Variants in AHRR observed in about 807,000 individuals in gnomAD.
AHRR encodes ahR repressor.
AHRR carries 28 observed loss-of-function variants against 44.0 expected under a neutral mutation model. The observed-to-expected ratio is 0.64, with a 90% confidence interval of 0.47 to 0.87. AHRR has a LOEUF of 0.87. Ranked by LOEUF, AHRR falls within the 40% of genes least tolerant of loss-of-function variation. The pLI is 0.00. For missense variants in AHRR, 990 were observed against 953.9 expected, an observed-to-expected ratio of 1.04 and a Z score of -0.50; for synonymous variants, 434 against 407.0, an observed-to-expected ratio of 1.07 and a Z score of -0.80.
At chr5:378,503 TG>T (rs886155396) in intron 4 of AHRR, among the ~76,000 whole-genome samples, 1 of 152,236 alleles carries the variant, frequency 6.6e-6, no homozygotes, top group Non-Finnish European at 1.5e-5. Context: ...AGTCTGGACC[TG>T]GTGTTTCTTT....
intron 4 of AHRR, among the ~76,000 whole-genome samples, chr5:403,044 G>A (rs1735085978): frequency 6.6e-6 from 1 of 152,120 alleles, no homozygotes; most frequent in African/African-American, 2.4e-5. Context: ...GTGGGAGGGG[G>A]ATAAAGAAGG....
At chr5:427,501 C>A in intron 7 of AHRR, 1 of 1,081,208 alleles carries the variant, frequency 9.2e-7, no homozygotes, top group Non-Finnish European at 1.4e-6. Context: ...GTTCGTGCCA[C>A]CTGCGCATGG....
chr5:417,219 C>T (rs1436550214), intron 5 of AHRR, among the ~76,000 whole-genome samples: 1 of 146,558 alleles, frequency 6.8e-6, no homozygotes, highest in Non-Finnish European at 1.5e-5. Context: ...TCTGTATGTG[C>T]AGGGCCCGAG....
intron 4 of AHRR, among the ~76,000 whole-genome samples, chr5:412,261 T>TA (rs921525646): frequency 2.0e-5 from 3 of 152,102 alleles, no homozygotes; most frequent in Middle Eastern, 3.4e-3. Context: ...ATAGTTAATG[T>TA]AAAAAAAATA....
At chr5:400,061 G>A (rs760325959) in intron 4 of AHRR, among the ~76,000 whole-genome samples, 7 of 152,202 alleles carry the variant, frequency 4.6e-5, no homozygotes, top group East Asian at 3.9e-4. Flanking sequence ...GCCCGCTCGC[G>A]TGACTAGCCG....
At chr5:398,215 C>T (rs999447747) in intron 4 of AHRR, among the ~76,000 whole-genome samples, 44 of 113,962 alleles carry the variant, frequency 3.9e-4, no homozygotes, top group African/African-American at 9.1e-4. Flanking sequence ...TGACCATCCA[C>T]GTAGCTCCTG....
intron 4 of AHRR, among the ~76,000 whole-genome samples, chr5:398,293 G>T (rs972193281): frequency 2.9e-4 from 44 of 150,740 alleles, no homozygotes; most frequent in African/African-American, 9.6e-4. Context: ...GACCATCCGT[G>T]TTAGCCCCTG....
Position 422,879 on chromosome 5 carries a change from T to G in AHRR, c.571+21T>G, listed in dbSNP as rs573682789. 8.7e-6 allele frequency: 14 copies of G among 1,600,432 alleles called. No individual in the cohort carries two copies. In the East Asian group the frequency reaches 2.9e-4, roughly 33 times the overall value. On this transcript the variant is annotated intron_variant, in intron 6 of 10. Transcript: ENST00000684583. Reference sequence around the variant, plus strand: ...GACAGGTGGGTGTCTGGGGTCCAAGTGAGTCAGCAAAACCTAAAGCAGGTC... The same window carrying G: ...GACAGGTGGGTGTCTGGGGTCCAAGGGAGTCAGCAAAACCTAAAGCAGGTC...
chr5:403,678 T>G, intron 4 of AHRR: 5 of 670,004 alleles, frequency 7.5e-6, no homozygotes, highest in Non-Finnish European at 9.6e-6. Flanking sequence ...ATAGTTAAAA[T>G]GGTATTTTTT....
rs1422701535 is a variant in AHRR, at chr5:411,779, T to C, written c.352-1565T>C. On this transcript the variant is annotated intron_variant, in intron 4 of 10. Transcript: ENST00000684583. The surrounding 1 kb of genome is among the most constrained non-coding windows in gnomAD (Gnocchi z 4.2). ...ATACTGCTGACAGCCACAAACATCA[T>C]GGGAGTTAAAGTCTCCGAATGTCTG... is the stretch of plus-strand genomic sequence containing the variant. Among the ~76,000 whole-genome samples the C allele has an allele frequency of 6.6e-6, 1 of 152,182 alleles. No individual in the cohort carries two copies. Among genetic ancestry groups the C allele is most frequent in the Non-Finnish European group, 1.5e-5 (1 of 68,016 alleles).
chr5:384,203 A>G (rs1421089884), intron 4 of AHRR, among the ~76,000 whole-genome samples: 5 of 152,030 alleles, frequency 3.3e-5, no homozygotes, highest in Admixed American at 2.0e-4. Flanking sequence ...TTATGGGAAT[A>G]TGTATTGGTA....
intron 4 of AHRR, among the ~76,000 whole-genome samples, chr5:412,335 C>T (rs1229474371): frequency 6.6e-6 from 1 of 152,070 alleles, no homozygotes; most frequent in Middle Eastern, 3.2e-3. Flanking sequence ...CTGTTTCATC[C>T]ACCATCTCCA....
At chr5:368,626 G>A (rs938663425) in intron 3 of AHRR, among the ~76,000 whole-genome samples, 1 of 152,200 alleles carries the variant, frequency 6.6e-6, no homozygotes, top group African/African-American at 2.4e-5. Context: ...AGCTATTTTT[G>A]GTTGCATCTT....
At chr5:376,500 C>T in intron 3 of AHRR, 110 bp from the exon 4 acceptor site, 3 of 55,340 alleles carry the variant, frequency 5.4e-5, no homozygotes, top group South Asian at 1.3e-4. Context: ...GGCCAGATGT[C>T]AGGTGAGAAC....
At chr5:415,918 C>CA (rs11406581) in intron 5 of AHRR, among the ~76,000 whole-genome samples, 66,567 of 152,008 alleles carry the variant, frequency 0.44, 14,573 homozygotes, top group Middle Eastern at 0.54. Flanking sequence ...GGTGATTCTG[C>CA]AAAAAAACTC....
rs1390963407 is a variant in AHRR, at chr5:342,630, C to A, written c.-10-1263C>A. On this transcript the variant is annotated intron_variant, in intron 1 of 10. Coordinates refer to ENST00000684583, the MANE Select transcript of AHRR (RefSeq NM_001377236.1). The surrounding 1 kb of genome is among the most constrained non-coding windows in gnomAD (Gnocchi z 4.3). ...ATATTGCGTGAGTCTGCCTCCTCTT[C>A]CAGGCTACACTCACTTCAGGTCAGG... Among the ~76,000 whole-genome samples, 1 of 152,222 alleles carries A rather than the reference C, an allele frequency of 6.6e-6. No individual in the cohort carries two copies. Among genetic ancestry groups the A allele is most frequent in the African/African-American group, 2.4e-5 (1 of 41,458 alleles).
At chr5:428,127 C>T (rs1374679634) in intron 8 of AHRR, 121 bp downstream of exon 8, 16 of 1,185,548 alleles carry the variant, frequency 1.3e-5, no homozygotes, top group South Asian at 1.0e-4. Context: ...AAGTCAGTTT[C>T]GTGTCGTAAA....
chr5:353,466 C>T (rs555137811), intron 2 of AHRR, among the ~76,000 whole-genome samples: 8 of 152,290 alleles, frequency 5.3e-5, no homozygotes, highest in South Asian at 2.1e-4. Context: ...GCCCTGTCTC[C>T]GTGCTCTGAG....
At chr5:429,070 C>G (rs1736599271) in intron 8 of AHRR, among the ~76,000 whole-genome samples, 1 of 152,248 alleles carries the variant, frequency 6.6e-6, no homozygotes, top group Admixed American at 6.5e-5. Context: ...GACCCCTGCC[C>G]TTGGGGATTC....
Sources: allele counts gnomAD v4.1 joint callset (sites outside exome capture counted in the v4.1 genomes callset), GRCh38; gene constraint gnomAD v4.1.1; non-coding constraint Gnocchi (gnomAD v3.1); transcripts MANE v1.5; gene names NCBI Gene and HGNC (gene_info 2026-07-23, HGNC 2026-07-21).